Variants in SPOCK1 observed in about 807,000 individuals in gnomAD.
SPOCK1 encodes the protein testican-1.
In SPOCK1, 23 loss-of-function variants were observed where a neutral mutation model predicts 55.3. That is an observed-to-expected ratio of 0.42 (90% CI 0.30 to 0.59). SPOCK1 has a LOEUF of 0.59. Among genes scored for constraint, SPOCK1 ranks in the 20% least tolerant of loss-of-function variants. The probability of loss-of-function intolerance (pLI) is 0.22; values close to 1 mark genes in which losing one functional copy is unlikely to be tolerated. For missense variants in SPOCK1, 499 were observed against 552.5 expected, an observed-to-expected ratio of 0.90 and a Z score of 0.97; for synonymous variants, 226 against 221.0, an observed-to-expected ratio of 1.02 and a Z score of -0.20.
chr5:137,289,173 T>G (rs1757320726), intron 2 of SPOCK1, among the ~76,000 whole-genome samples: 1 of 152,266 alleles, frequency 6.6e-6, no homozygotes, highest in African/African-American at 2.4e-5. Flanking sequence ...AGTTAATCCA[T>G]GTAATGTGCT....
Position 136,992,547 on chromosome 5 carries a change from C to T in SPOCK1, c.643G>A (p.Gly215Arg), listed in dbSNP as rs763357241. ...CTGTTCGCATCCTCGTGGAGAGCTC[C>T]AAACCAATCCTTCAGCCGGGAGGCA... ...NLASRLKDWF[G>R]ALHEDANRVI... Residue 215 changes from glycine (G) to arginine (R), a missense_variant, in exon 7 of 11, where the codon GGA (glycine) becomes AGA (arginine). Gly to Arg is a moderately radical substitution (Grantham distance 125). Around this residue, in one of 3 missense-constraint regions of SPOCK1, gnomAD observed 386 missense variants for 400.6 expected, o/e 0.96. Transcript: ENST00000394945. 7 of 1,613,764 alleles carry T rather than the reference C, an allele frequency of 4.3e-6. No homozygotes were observed. The highest frequency in any genetic ancestry group is 5.1e-6 in the Non-Finnish European group (6 of 1,179,902).
intron 3 of SPOCK1, among the ~76,000 whole-genome samples, chr5:137,247,770 G>A (rs1479064090): frequency 3.3e-5 from 5 of 152,182 alleles, no homozygotes; most frequent in East Asian, 1.9e-4. Flanking sequence ...GGGGGTCTAA[G>A]GGGAAGACAG....
At chr5:137,419,399 C>T (rs1163712095) in intron 2 of SPOCK1, among the ~76,000 whole-genome samples, 3 of 152,188 alleles carry the variant, frequency 2.0e-5, no homozygotes, top group African/African-American at 7.2e-5. Flanking sequence ...GGCAGTATGG[C>T]CATTTTCACG....
chr5:137,474,945 T>C (rs1753807927), intron 2 of SPOCK1, among the ~76,000 whole-genome samples: 1 of 152,222 alleles, frequency 6.6e-6, no homozygotes, highest in Non-Finnish European at 1.5e-5. Context: ...AGTATTTGGG[T>C]AAAAGGTCTT....
intron 5 of SPOCK1, among the ~76,000 whole-genome samples, chr5:137,077,466 CCTTG>C (rs747255479): frequency 6.6e-6 from 1 of 152,202 alleles, no homozygotes; most frequent in Non-Finnish European, 1.5e-5. Flanking sequence ...CAAATACAAC[CCTTG>C]CTTGTCAACT....
At chr5:136,999,972 AC>A (rs1451225690) in intron 6 of SPOCK1, among the ~76,000 whole-genome samples, 1 of 151,362 alleles carries the variant, frequency 6.6e-6, no homozygotes, top group East Asian at 1.9e-4. Flanking sequence ...ACCCTACCCT[AC>A]TCCTCCCCTT....
chr5:137,442,529 A>G (rs1171854897), intron 2 of SPOCK1, among the ~76,000 whole-genome samples: 5 of 152,258 alleles, frequency 3.3e-5, no homozygotes, highest in Non-Finnish European at 7.3e-5. Context: ...TGCGTGTACA[A>G]CACTGAAGCC....
chr5:137,068,334 A>T (rs548699103), intron 5 of SPOCK1, among the ~76,000 whole-genome samples: 10 of 152,236 alleles, frequency 6.6e-5, no homozygotes, highest in African/African-American at 2.4e-4. Flanking sequence ...CTTGGGAGCA[A>T]TGAAGAATGA....
Position 137,182,721 on chromosome 5 carries a change from T to C in SPOCK1, c.233-42027A>G, listed in dbSNP as rs1183722284. Reference sequence around the variant, plus strand: ...CCATCCCTCTGGCCAGCATGGGGTGTTGGCCTGCTGCAGGTGCTCAGTCAA... The same window carrying C: ...CCATCCCTCTGGCCAGCATGGGGTGCTGGCCTGCTGCAGGTGCTCAGTCAA... On this transcript the variant is annotated intron_variant, in intron 3 of 10. Coordinates refer to ENST00000394945, the MANE Select transcript of SPOCK1 (RefSeq NM_004598.4). 2.0e-5 allele frequency among the ~76,000 whole-genome samples: 3 copies of C among 152,272 alleles called. 1 individual carries two copies. The highest frequency in any genetic ancestry group is 6.8e-3 in the Middle Eastern group (2 of 294).
intron 2 of SPOCK1, among the ~76,000 whole-genome samples, chr5:137,293,089 A>ATTTTTTT (rs531537488): frequency 1.2e-4 from 12 of 100,816 alleles, no homozygotes; most frequent in African/African-American, 3.7e-4. Flanking sequence ...GGTTTGTTGA[A>ATTTTTTT]TTTTTTTTTT....
intron 6 of SPOCK1, among the ~76,000 whole-genome samples, chr5:137,009,630 A>G (rs1347266482): frequency 6.6e-6 from 1 of 152,212 alleles, no homozygotes; most frequent in Non-Finnish European, 1.5e-5. Context: ...CTTGTTAGCT[A>G]TAACCCAAGA....
At chr5:136,984,529 G>A (rs1361316203) in intron 9 of SPOCK1, among the ~76,000 whole-genome samples, 1 of 152,196 alleles carries the variant, frequency 6.6e-6, no homozygotes, top group Non-Finnish European at 1.5e-5. Context: ...ACGTGCTGGA[G>A]AAAGGCAGGC....
At chr5:137,255,808 T>A (rs1203817355) in intron 3 of SPOCK1, among the ~76,000 whole-genome samples, 1 of 152,230 alleles carries the variant, frequency 6.6e-6, no homozygotes, top group Non-Finnish European at 1.5e-5. Context: ...AATGTCACAG[T>A]GGCTCCAGTG....
chr5:137,001,258 C>T (rs535084354), intron 6 of SPOCK1, among the ~76,000 whole-genome samples: 60 of 152,244 alleles, frequency 3.9e-4, no homozygotes, highest in African/African-American at 1.4e-3. Context: ...CAGTAGCTGT[C>T]GGCTGTGATC....
At chr5:137,338,085 T>C (rs1009378340) in intron 2 of SPOCK1, among the ~76,000 whole-genome samples, 20 of 152,194 alleles carry the variant, frequency 1.3e-4, no homozygotes, top group Non-Finnish European at 4.4e-5. Flanking sequence ...AGGTTACATA[T>C]GTATACATGT....
At chr5:137,082,937 T>C (rs1445541573) in intron 5 of SPOCK1, among the ~76,000 whole-genome samples, 2 of 152,170 alleles carry the variant, frequency 1.3e-5, no homozygotes, top group African/African-American at 4.8e-5. Flanking sequence ...CAGGCCAAAA[T>C]TCATTAACGA....
chr5:137,473,109 A>T (rs1438366352), intron 2 of SPOCK1, among the ~76,000 whole-genome samples: 2 of 152,156 alleles, frequency 1.3e-5, no homozygotes, highest in Non-Finnish European at 2.9e-5. Context: ...CTAGGAATTT[A>T]CCCCCAAAGA....
At chr5:137,041,775 T>C (rs1341960870) in intron 6 of SPOCK1, among the ~76,000 whole-genome samples, 1 of 152,182 alleles carries the variant, frequency 6.6e-6, no homozygotes, top group Non-Finnish European at 1.5e-5. Context: ...CCTATTATAG[T>C]GTCTAAAATC....
At chr5:137,331,272 T>C (rs1295371549) in intron 2 of SPOCK1, among the ~76,000 whole-genome samples, 3 of 152,034 alleles carry the variant, frequency 2.0e-5, no homozygotes, top group Non-Finnish European at 2.9e-5. Flanking sequence ...ATAAGGAAGG[T>C]GAACAAAGGG....
Sources: gnomAD v4.1 joint callset for allele counts (sites outside exome capture counted in the v4.1 genomes callset) on GRCh38, gnomAD v4.1.1 for gene constraint, gnomAD v4.1.1 regional missense constraint, MANE v1.5 for transcripts, NCBI Gene and HGNC (gene_info 2026-07-23, HGNC 2026-07-21) for gene names.